Variants in SMYD3 observed in about 807,000 individuals in gnomAD.
SMYD3 encodes the protein SET and MYND domain containing 3.
SMYD3 carries 36 observed loss-of-function variants against 57.7 expected under a neutral mutation model. The observed-to-expected ratio is 0.62, with a 90% confidence interval of 0.48 to 0.82. The LOEUF is 0.82. Ranked by LOEUF, SMYD3 falls within the 40% of genes least tolerant of loss-of-function variation. The pLI is 0.00. For synonymous variants in SMYD3, 211 were observed against 195.0 expected, an observed-to-expected ratio of 1.08 and a Z score of -0.68; for missense variants, 515 against 538.8, an observed-to-expected ratio of 0.96 and a Z score of 0.44.
At chr1:246,171,261 C>T (rs1423470519) in intron 5 of SMYD3, among the ~76,000 whole-genome samples, 1 of 152,086 alleles carries the variant, frequency 6.6e-6, no homozygotes, top group Non-Finnish European at 1.5e-5. Flanking sequence ...CAAGTTTATC[C>T]TATCAATTGT....
rs187918524 is a variant in SMYD3 at position 245,835,268 on chromosome 1, C to T, written c.1076+23228G>A. ...CTGAGTAGCTGGGACCACAGACTTG[C>T]GCCACCACACCCAGCTAATTTTTGT... On this transcript the variant is annotated intron_variant, in intron 10 of 11. Transcript: ENST00000490107. 9.0e-4 allele frequency among the ~76,000 whole-genome samples: 136 copies of T among 151,930 alleles called. 3 individuals carry two copies. The East Asian group carries it at 0.023, about 26-fold the overall frequency.
chr1:246,076,139 C>A (rs541354385), intron 5 of SMYD3, among the ~76,000 whole-genome samples: 11 of 152,180 alleles, frequency 7.2e-5, no homozygotes, highest in African/African-American at 2.6e-4. Context: ...CGCACATAAA[C>A]ACATAAGTCC....
At chr1:246,474,829 T>TTGC (rs779768367) in intron 1 of SMYD3, among the ~76,000 whole-genome samples, 4 of 152,130 alleles carry the variant, frequency 2.6e-5, no homozygotes, top group Non-Finnish European at 5.9e-5. Context: ...TTCCAAGAAG[T>TTGC]TGCTACTGTA....
intron 5 of SMYD3, among the ~76,000 whole-genome samples, chr1:246,030,850 T>G (rs2059658842): frequency 6.6e-6 from 1 of 152,214 alleles, no homozygotes; most frequent in Non-Finnish European, 1.5e-5. Flanking sequence ...AACTTTTTTT[T>G]GCAGTGGAAC....
intron 5 of SMYD3, among the ~76,000 whole-genome samples, chr1:246,320,312 T>C (rs2148649298): frequency 6.6e-6 from 1 of 152,234 alleles, no homozygotes; most frequent in Non-Finnish European, 1.5e-5. Flanking sequence ...AAATTAGATT[T>C]TGGAAAAGCA....
intron 5 of SMYD3, among the ~76,000 whole-genome samples, chr1:246,216,209 C>T (rs201323518): frequency 1.3e-5 from 2 of 151,308 alleles, no homozygotes; most frequent in African/African-American, 4.9e-5. Flanking sequence ...ATCGCTTGAA[C>T]CCGGGAGGCA....
At chr1:246,293,698 C>A (rs777080416) in intron 5 of SMYD3, among the ~76,000 whole-genome samples, 3 of 152,178 alleles carry the variant, frequency 2.0e-5, no homozygotes, top group Non-Finnish European at 4.4e-5. Flanking sequence ...TCATTAATAA[C>A]CCTTTTGCCC....
At position 245,938,961 on chromosome 1, in the gene SMYD3, C is replaced by A. The variant is rs570371263; in HGVS notation, c.532-9024G>T. Among the ~76,000 whole-genome samples the A allele has an allele frequency of 2.6e-4, 40 of 152,098 alleles. 2 individuals are homozygous for A. The highest frequency in any genetic ancestry group is 9.2e-4 in the African/African-American group (38 of 41,494). On this transcript the variant is annotated intron_variant, in intron 5 of 11. Transcript: ENST00000490107. ...AGGAGTTCAAGACCACCCTGGCCAA[C>A]ATGGTGAAACCCTGTCTCTACTAAA... is the stretch of plus-strand genomic sequence containing the variant.
intron 8 of SMYD3, among the ~76,000 whole-genome samples, chr1:245,899,400 C>A (rs34861340): frequency 3.3e-5 from 5 of 152,134 alleles, no homozygotes; most frequent in Admixed American, 1.3e-4. Context: ...ATACTCTACT[C>A]TCTTCCACTA....
rs1011575292 is a variant in SMYD3 at position 246,199,435 on chromosome 1, C to A, written c.531+127766G>T. ...TGGATTAAACAAATGAATGCATCTG[C>A]TTGTGGAATTATTTCCAATTCAGTG... On this transcript the variant is annotated intron_variant, in intron 5 of 11. Transcript: ENST00000490107. Among the ~76,000 whole-genome samples the A allele has an allele frequency of 2.6e-5, 4 of 152,186 alleles. No individual in the cohort carries two copies. In the East Asian group the frequency reaches 5.8e-4, roughly 22 times the overall value.
At chr1:246,474,388 A>G (rs1409558913) in intron 1 of SMYD3, among the ~76,000 whole-genome samples, 3 of 152,038 alleles carry the variant, frequency 2.0e-5, no homozygotes, top group African/African-American at 4.8e-5. Context: ...GCGTGGTGGC[A>G]CGTGCCTATA....
chr1:245,897,013 C>A (rs930382313), intron 8 of SMYD3, among the ~76,000 whole-genome samples: 1 of 152,124 alleles, frequency 6.6e-6, no homozygotes, highest in Non-Finnish European at 1.5e-5. Flanking sequence ...AACATAAATT[C>A]CCTCCAGTAA....
At chr1:245,931,126 T>G (rs964972505) in intron 5 of SMYD3, among the ~76,000 whole-genome samples, 8 of 152,182 alleles carry the variant, frequency 5.3e-5, no homozygotes, top group Non-Finnish European at 1.2e-4. Context: ...TATTTGGGTT[T>G]TGCTCTGAAG....
At chr1:246,080,228 G>A (rs956231870) in intron 5 of SMYD3, among the ~76,000 whole-genome samples, 5 of 130,594 alleles carry the variant, frequency 3.8e-5, no homozygotes, top group South Asian at 2.1e-4. Flanking sequence ...GGCAGGAGGC[G>A]AGTGGCGGGT....
chr1:246,169,907 A>C (rs935668268), intron 5 of SMYD3, among the ~76,000 whole-genome samples: 5 of 152,100 alleles, frequency 3.3e-5, no homozygotes, highest in Non-Finnish European at 7.4e-5. Flanking sequence ...CTGCCAAAAA[A>C]AAAAAAAAGA....
intron 5 of SMYD3, among the ~76,000 whole-genome samples, chr1:246,022,010 G>A (rs1028714618): frequency 1.3e-5 from 2 of 152,154 alleles, no homozygotes; most frequent in Admixed American, 6.5e-5. Flanking sequence ...ACTGATCGCT[G>A]GAAACATGAA....
intron 1 of SMYD3, among the ~76,000 whole-genome samples, chr1:246,435,495 C>G (rs2067356818): frequency 6.6e-6 from 1 of 151,750 alleles, no homozygotes; most frequent in Admixed American, 6.6e-5. Context: ...ACTTTATATT[C>G]AGACTCTGAA....
intron 5 of SMYD3, among the ~76,000 whole-genome samples, chr1:246,286,511 C>T (rs934305510): frequency 2.6e-5 from 4 of 152,198 alleles, no homozygotes; most frequent in Non-Finnish European, 5.9e-5. Flanking sequence ...ACAAGACTGA[C>T]ATTAGTTCTG....
At chr1:246,377,322 C>T (rs10924714) in intron 1 of SMYD3, among the ~76,000 whole-genome samples, 149,456 of 151,756 alleles carry the variant, frequency 0.98, 73,605 homozygotes, top group East Asian at 1. Flanking sequence ...TTCTGGAAGA[C>T]CCACAGTATA....
Sources: gnomAD v4.1 joint callset for allele counts (sites outside exome capture counted in the v4.1 genomes callset) on GRCh38, gnomAD v4.1.1 for gene constraint, MANE v1.5 for transcripts, NCBI Gene and HGNC (gene_info 2026-07-23, HGNC 2026-07-21) for gene names.